Variants in PKP1 observed in about 807,000 individuals in gnomAD.
The protein encoded by PKP1 is plakophilin-1.
A neutral mutation model predicts 76.4 loss-of-function variants in PKP1; 27 were observed. The ratio of observed to expected loss-of-function variants is 0.35; its 90% confidence interval spans 0.26 to 0.49. The LOEUF is 0.49. PKP1 is among the 20% of genes least tolerant of loss of function. The pLI is 0.99. For synonymous variants in PKP1, 404 were observed against 384.2 expected (o/e 1.05, Z -0.60); for missense variants, 964 against 955.2 (o/e 1.01, Z -0.12).
chr1:201,312,452 C>G (rs946959166), intron 2 of PKP1, among the ~76,000 whole-genome samples: 3 of 152,208 alleles, frequency 2.0e-5, no homozygotes, highest in Admixed American at 2.0e-4. Flanking sequence ...TAGAAGGTCA[C>G]TCTTCTCTGG....
rs766123431 is a variant in PKP1, at chr1:201,328,817, A to G, written c.2162A>G (p.Asn721Ser). ...TTAGCTGGGGCCAACAGCCTCAGGA[A>G]CTTCACCTCCCGATTCTAAGAAGAG... is the stretch of plus-strand genomic sequence containing the variant. ...GTLAGANSLRNFTSRF is the reference protein window; with the variant it reads ...GTLAGANSLRSFTSRF The change falls in exon 13 of 14, where the codon AAC (asparagine) becomes AGC (serine). Residue 721 changes from asparagine (N) to serine (S), a missense_variant. Transcript: ENST00000367324. 1.2e-6 allele frequency: 2 copies of G among 1,613,922 alleles called. No individual in the cohort carries two copies. Among genetic ancestry groups the G allele is most frequent in the African/African-American group, 1.3e-5 (1 of 74,924 alleles).
At chr1:201,328,655 A>T in intron 12 of PKP1, 107 bp from the exon 13 acceptor site, 1 of 910,468 alleles carries the variant, frequency 1.1e-6, no homozygotes, top group Non-Finnish European at 1.9e-6. Context: ...GATAAGAGAG[A>T]GGCTGTGTGA....
At chr1:201,298,246 C>A (rs534931684) in intron 2 of PKP1, among the ~76,000 whole-genome samples, 2 of 152,132 alleles carry the variant, frequency 1.3e-5, no homozygotes, top group African/African-American at 2.4e-5. Context: ...GACGAGGATG[C>A]GGGGAATAGA....
intron 13 of PKP1, among the ~76,000 whole-genome samples, 184 bp downstream of exon 13, chr1:201,329,052 C>T (rs925813124): frequency 6.6e-6 from 1 of 152,094 alleles, no homozygotes; most frequent in Non-Finnish European, 1.5e-5. Flanking sequence ...ACCCTCAGGA[C>T]GTTAGGGGTG....
rs1227150434 is a variant in PKP1, at chr1:201,324,436, T to G, written c.1689T>G (p.Ser563Arg). 1 of 1,614,120 alleles carries G rather than the reference T, an allele frequency of 6.2e-7. No homozygotes were observed. Among genetic ancestry groups the G allele is most frequent in the Non-Finnish European group, 8.5e-7 (1 of 1,180,026 alleles). ...NLTASKGLMS[S>R]GMSQLIGLKE... ...TACTCCTTCTCTCTTAGATGTCCAG[T>G]GGCATGAGCCAGTTGATTGGGCTGA... is the stretch of plus-strand genomic sequence containing the variant. Residue 563 changes from serine (S) to arginine (R), a missense_variant, in exon 10 of 14, where the codon AGT becomes AGG. Coordinates refer to ENST00000367324, the MANE Select transcript of PKP1 (RefSeq NM_001005337.3).
intron 7 of PKP1, 98 bp downstream of exon 7, chr1:201,320,479 A>C: frequency 1.3e-6 from 1 of 779,938 alleles, no homozygotes; most frequent in Non-Finnish European, 2.3e-6. Flanking sequence ...ACAGGAGCAC[A>C]GACTCAGGGG....
intron 1 of PKP1, among the ~76,000 whole-genome samples, chr1:201,291,944 C>T (rs768343836): frequency 9.9e-5 from 15 of 152,194 alleles, no homozygotes; most frequent in Non-Finnish European, 1.9e-4. Context: ...ACAGTCTTGC[C>T]AGAGGAGCGG....
In PKP1 at chr1:201,291,048, C is replaced by G. The variant is rs1239062899; in HGVS notation, c.203-2894C>G. 2.0e-5 allele frequency among the ~76,000 whole-genome samples: 3 copies of G among 152,188 alleles called. No homozygotes were observed. In the South Asian group the frequency reaches 6.2e-4, roughly 32 times the overall value. On this transcript the variant is annotated intron_variant, in intron 1 of 13. Transcript: ENST00000367324. The stretch of plus-strand genomic sequence containing the variant: ...AATCACTTTTGTTGTGGGAGCAGTG[C>G]TCTTACAGACAGAGCACACCTGCCC...
At position 201,283,702 on chromosome 1, in the gene PKP1, C is replaced by CCCCCCCCCCCCCCCCAAAAA; in HGVS notation, c.-1_1insCCCCCCCCCCCCCCCAAAAA. 6.2e-7 allele frequency: 1 copy of CCCCCCCCCCCCCCCCAAAAA among 1,613,448 alleles called. No homozygotes were observed. The highest frequency in any genetic ancestry group is 8.5e-7 in the Non-Finnish European group (1 of 1,179,662). ...CCGCGCGCCACCCGCCTCCCGCCAC[C>CCCCCCCCCCCCCCCCAAAAA]ATGAACCACTCGCCGCTCAAGACCG... On this transcript the variant is annotated 5_prime_UTR_variant, in exon 1 of 14. Transcript: ENST00000367324.
intron 13 of PKP1, among the ~76,000 whole-genome samples, chr1:201,329,287 C>A (rs1024135693): frequency 1.3e-5 from 2 of 152,154 alleles, no homozygotes; most frequent in African/African-American, 4.8e-5. Flanking sequence ...TCTGCACATG[C>A]CCAGTGTGGA....
rs1395124370 is a variant in PKP1, at chr1:201,332,363, G to C, written c.*2322G>C. ...GACTATTAGGGCAGGGCTGACTTTG[G>C]TGACACTGCCCATTCCCTCTCAGGC... On this transcript the variant is annotated 3_prime_UTR_variant, in exon 14 of 14. Transcript: ENST00000367324. 1 of 152,264 alleles carries C rather than the reference G, an allele frequency of 6.6e-6. No homozygotes were observed. The allele number at this position is 152,264 out of a possible 1,614,324, so 9.4% of individuals were successfully genotyped here.
chr1:201,284,887 A>G (rs1558180720), intron 1 of PKP1, among the ~76,000 whole-genome samples: 1 of 152,008 alleles, frequency 6.6e-6, no homozygotes, highest in Non-Finnish European at 1.5e-5. Flanking sequence ...GCCAGATCCC[A>G]TGACTGGGGG....
At chr1:201,297,919 G>T (rs73072802) in intron 2 of PKP1, among the ~76,000 whole-genome samples, 3 of 152,080 alleles carry the variant, frequency 2.0e-5, no homozygotes, top group Non-Finnish European at 2.9e-5. Flanking sequence ...TCAGGGCAGG[G>T]TTACCAGATA....
chr1:201,304,173 A>G (rs546996180), intron 2 of PKP1, among the ~76,000 whole-genome samples: 1 of 152,236 alleles, frequency 6.6e-6, no homozygotes, highest in East Asian at 1.9e-4. Context: ...CTGGGATCTG[A>G]GTTGGGGTGC....
chr1:201,285,742 G>T (rs1655714090), intron 1 of PKP1, among the ~76,000 whole-genome samples: 2 of 152,208 alleles, frequency 1.3e-5, no homozygotes, highest in African/African-American at 4.8e-5. Flanking sequence ...CTACCTATCG[G>T]GATATTGGCT....
intron 1 of PKP1, among the ~76,000 whole-genome samples, chr1:201,284,197 GT>G (rs544557975): frequency 9.9e-5 from 15 of 152,244 alleles, no homozygotes; most frequent in Non-Finnish European, 1.9e-4. Context: ...GTGCCAGGAG[GT>G]TGAGGATCCC....
At chr1:201,317,155 G>T (rs1374145728) in intron 4 of PKP1, among the ~76,000 whole-genome samples, 2 of 152,150 alleles carry the variant, frequency 1.3e-5, no homozygotes, top group African/African-American at 4.8e-5. Flanking sequence ...TTCAGCCCAA[G>T]GATGTAGTGT....
At chr1:201,312,681 A>G (rs1044394358) in intron 2 of PKP1, among the ~76,000 whole-genome samples, 6 of 152,180 alleles carry the variant, frequency 3.9e-5, no homozygotes, top group African/African-American at 1.4e-4. Context: ...TCTGAGACAT[A>G]TTTAGACCCG....
intron 3 of PKP1, chr1:201,316,250 C>G (rs1342620530): frequency 8.7e-6 from 3 of 345,024 alleles, no homozygotes; most frequent in Non-Finnish European, 1.6e-5. Flanking sequence ...TGGGAAGCTT[C>G]CCCTCAGGGA....
Sources: gnomAD v4.1 joint callset for allele counts (sites outside exome capture counted in the v4.1 genomes callset) on GRCh38, gnomAD v4.1.1 for gene constraint, MANE v1.5 for transcripts, NCBI Gene and HGNC (gene_info 2026-07-23, HGNC 2026-07-21) for gene names.